Variants in RAB33B observed in about 807,000 individuals in gnomAD.
RAB33B encodes the protein ras-related protein Rab-33B.
In RAB33B, 6 loss-of-function variants were observed where a neutral mutation model predicts 15.0. The ratio of observed to expected loss-of-function variants is 0.40; its 90% CI spans 0.22 to 0.79. The LOEUF (loss-of-function observed/expected upper bound fraction) is 0.79. RAB33B is among the 30% of genes least tolerant of loss of function. The pLI is 0.37. For synonymous variants in RAB33B, 117 were observed against 108.3 expected (o/e 1.08, Z -0.50); for missense variants, 257 against 296.4 (o/e 0.87, Z 0.98).
rs893542836 is a variant in RAB33B at position 139,464,961 on chromosome 4, C to T, written c.250-7725C>T. Among the ~76,000 whole-genome samples the T allele has an allele frequency of 4.6e-5, 7 of 152,176 alleles. 1 individual carries two copies. Among genetic ancestry groups the T allele is most frequent in the Admixed American group, 4.6e-4 (7 of 15,280 alleles). On this transcript the variant is annotated intron_variant, in intron 1 of 1. Transcript: ENST00000305626. ...TAGTTCTAGATCCTTGAGGAATCGC[C>T]ACACTGTCTTCCACAATGGTTGAAG... is the stretch of plus-strand genomic sequence containing the variant.
At chr4:139,455,361 T>G (rs980024309) in intron 1 of RAB33B, among the ~76,000 whole-genome samples, 1 of 152,224 alleles carries the variant, frequency 6.6e-6, no homozygotes, top group Non-Finnish European at 1.5e-5. Context: ...ATACTACTGC[T>G]TTAAATCAGC....
At chr4:139,461,639 A>G (rs1750173269) in intron 1 of RAB33B, among the ~76,000 whole-genome samples, 1 of 152,222 alleles carries the variant, frequency 6.6e-6, no homozygotes, top group Non-Finnish European at 1.5e-5. Context: ...GTGAAAGAAT[A>G]GGGAAAGAGG....
At chr4:139,453,120 AC>A (rs1749964857), upstream of RAB33B, 1 of 152,218 alleles carries the variant, frequency 6.6e-6, no homozygotes. Flanking sequence ...TTTAACCGCT[AC>A]ATCATCGTCA....
At chr4:139,447,371 A>G in the RAB33B span, among the ~76,000 whole-genome samples, 8 of 152,168 alleles carry the variant, frequency 5.3e-5, no homozygotes, top group Admixed American at 5.2e-4. Context: ...AGGTCCAGGA[A>G]TCAAGGGGTG....
chr4:139,465,387 A>G (rs1267211164), intron 1 of RAB33B, among the ~76,000 whole-genome samples: 1 of 152,152 alleles, frequency 6.6e-6, no homozygotes, highest in Non-Finnish European at 1.5e-5. Flanking sequence ...GAAGCTCTTT[A>G]GTTTAATTAG....
intron 1 of RAB33B, among the ~76,000 whole-genome samples, chr4:139,456,930 G>A (rs1750081661): frequency 6.6e-6 from 1 of 152,052 alleles, no homozygotes; most frequent in Non-Finnish European, 1.5e-5. Context: ...CATCTTGAGT[G>A]CTGCTGAAAT....
chr4:139,460,530 C>A (rs528584791), intron 1 of RAB33B, among the ~76,000 whole-genome samples: 38 of 152,146 alleles, frequency 2.5e-4, no homozygotes, highest in Admixed American at 7.2e-4. Context: ...GTTTATAAGT[C>A]AAAAAATATT....
intron 1 of RAB33B, among the ~76,000 whole-genome samples, chr4:139,462,305 G>A (rs1015252109): frequency 1.3e-4 from 19 of 151,958 alleles, no homozygotes; most frequent in African/African-American, 3.4e-4. Flanking sequence ...CGCCTGCCTC[G>A]GCCTCCCAAA....
rs1323437030 is a variant in RAB33B, at chr4:139,475,518, CA to C, written c.*2393del. 2 of 150,804 alleles carry C rather than the reference CA, an allele frequency of 1.3e-5. No homozygotes were observed. Among genetic ancestry groups the C allele is most frequent in the African/African-American group, 2.4e-5 (1 of 41,072 alleles). The allele number at this position is 150,804 out of a possible 1,614,324, so 9.3% of individuals were successfully genotyped here. A position where few individuals can be genotyped will look rare whatever the true frequency, so the allele number is the denominator to read the frequency against. On this transcript the variant is annotated 3_prime_UTR_variant, in exon 2 of 2. Coordinates refer to ENST00000305626, the MANE Select transcript of RAB33B (RefSeq NM_031296.3). ...ATGTTTTTATTTTTAAAAAACATACCAGTTGAATGGGGTTAAAGCTTTCAAT... is the reference window on the plus strand; with the variant it reads ...ATGTTTTTATTTTTAAAAAACATACCGTTGAATGGGGTTAAAGCTTTCAAT...
chr4:139,459,698 G>A (rs1248657633), intron 1 of RAB33B, among the ~76,000 whole-genome samples: 2 of 151,294 alleles, frequency 1.3e-5, no homozygotes, highest in Non-Finnish European at 2.9e-5. Context: ...CAGTGGCATG[G>A]TCTCAGCTCA....
chr4:139,446,484 G>A, the RAB33B span, among the ~76,000 whole-genome samples: 1 of 152,206 alleles, frequency 6.6e-6, no homozygotes, highest in African/African-American at 2.4e-5. Context: ...TGTAGCTAAT[G>A]GTTTGGCTGG....
upstream of RAB33B, chr4:139,449,885 C>G (rs1749888773): frequency 6.6e-6 from 1 of 152,082 alleles, no homozygotes; most frequent in Non-Finnish European, 1.5e-5. Flanking sequence ...CAAATATTGG[C>G]AAGTCTGCCA....
rs747936685 is a variant in RAB33B at position 139,454,360 on chromosome 4, T to C, written c.165T>C (p.Ala55=). 5.6e-6 allele frequency: 9 copies of C among 1,614,040 alleles called. No individual in the cohort carries two copies. The African/African-American group carries it at 8.0e-5, about 14-fold the overall frequency. Reference sequence around the variant, plus strand: ...CATGCCTGACCTACCGCTTCTGCGCTGGCCGCTTCCCCGACCGCACCGAGG... The same window carrying C: ...CATGCCTGACCTACCGCTTCTGCGCCGGCCGCTTCCCCGACCGCACCGAGG... ...GKTCLTYRFC[A]GRFPDRTEAT... The change falls in exon 1 of 2, where the codon GCT becomes GCC. Residue 55 remains alanine, a synonymous_variant. Transcript: ENST00000305626.
chr4:139,465,681 T>G (rs115697125), intron 1 of RAB33B, among the ~76,000 whole-genome samples: 1,774 of 152,022 alleles, frequency 0.012, 12 homozygotes, highest in East Asian at 0.03. Context: ...CAGTCTCATC[T>G]AAAAACAAAG....
chr4:139,443,686 T>C, the RAB33B span, among the ~76,000 whole-genome samples: 3 of 152,222 alleles, frequency 2.0e-5, no homozygotes, highest in African/African-American at 7.2e-5. Flanking sequence ...TGGAAAAGAA[T>C]GGGACACTGT....
Position 139,472,755 on chromosome 4 carries a change from G to A in RAB33B, c.319G>A (p.Val107Ile). 2 of 1,613,906 alleles carry A rather than the reference G, an allele frequency of 1.2e-6. No individual in the cohort carries two copies. The highest frequency in any genetic ancestry group is 1.7e-6 in the Non-Finnish European group (2 of 1,179,804). ...CATGGTTCAGCACTACTACAGAAAT[G>A]TACATGCTGTTGTCTTCGTGTATGA... ...KSMVQHYYRN[V>I]HAVVFVYDMT... The change falls in exon 2 of 2, where the codon GTA becomes ATA. Residue 107 changes from valine to isoleucine, a missense_variant. By Grantham distance (29) the Val-to-Ile change is conservative. Transcript: ENST00000305626.
Position 139,475,396 on chromosome 4 carries a change from C to T in RAB33B, c.*2270C>T, listed in dbSNP as rs943833354. 1.3e-5 allele frequency: 2 copies of T among 151,828 alleles called. No individual in the cohort carries two copies. The highest frequency in any genetic ancestry group is 2.4e-5 in the African/African-American group (1 of 41,412). 9.4% of individuals were successfully genotyped at this position (151,828 alleles called of 1,614,324 possible). ...GTAAGGAATTAAGTAATATCCTTTA[C>T]AGTTCTGTGAAAGGACTTATTTTTT... On this transcript the variant is annotated 3_prime_UTR_variant, in exon 2 of 2. Coordinates refer to ENST00000305626, the MANE Select transcript of RAB33B (RefSeq NM_031296.3).
intron 1 of RAB33B, among the ~76,000 whole-genome samples, chr4:139,467,810 A>G (rs940822811): frequency 4.6e-5 from 7 of 151,754 alleles, no homozygotes; most frequent in Middle Eastern, 6.8e-3. Context: ...GTGAGCTGAG[A>G]TCGTGCTGCT....
At chr4:139,464,386 G>GTTTTTTTTTT (rs372330119) in intron 1 of RAB33B, among the ~76,000 whole-genome samples, 13 of 101,778 alleles carry the variant, frequency 1.3e-4, no homozygotes, top group Admixed American at 2.5e-4. Context: ...GAGGAATACT[G>GTTTTTTTTTT]TTTTTTTTTT....
Sources: allele counts gnomAD v4.1 joint callset (sites outside exome capture counted in the v4.1 genomes callset), GRCh38; gene constraint gnomAD v4.1.1; transcripts MANE v1.5; gene names NCBI Gene and HGNC (gene_info 2026-07-23, HGNC 2026-07-21).